The following LARGE1 variants were observed in gnomAD, a reference collection of about 807,000 sequenced individuals.
LARGE1 encodes the protein LARGE xylosyl- and glucuronyltransferase 1.
Under a neutral mutation model 87.6 loss-of-function variants are expected in LARGE1, and 43 were observed. That is an observed-to-expected ratio of 0.49 (90% confidence interval 0.38 to 0.63). LARGE1 has a LOEUF of 0.63. Among genes scored for constraint, LARGE1 ranks in the 30% least tolerant of loss-of-function variants. The probability of loss-of-function intolerance (pLI) is 0.00; values close to 1 mark genes in which losing one functional copy is unlikely to be tolerated. For synonymous variants in LARGE1, 434 were observed against 394.6 expected (o/e 1.10, Z -1.18); for missense variants, 802 against 1,000.2 (o/e 0.80, Z 2.67).
chr22:33,072,113 TC>T, the LARGE1 span, among the ~76,000 whole-genome samples: 1 of 152,086 alleles, frequency 6.6e-6, no homozygotes, highest in Non-Finnish European at 1.5e-5. Flanking sequence ...CAGAACGTAC[TC>T]CTCCCTCATG....
At chr22:33,601,658 G>A (rs2079116391) in intron 5 of LARGE1, among the ~76,000 whole-genome samples, 1 of 152,188 alleles carries the variant, frequency 6.6e-6, no homozygotes, top group African/African-American at 2.4e-5. Flanking sequence ...TCAGGAATGT[G>A]AGAGAGACAG....
rs557415988 is a variant in LARGE1 at position 33,708,412 on chromosome 22, C to T, written c.106+52959G>A. On this transcript the variant is annotated intron_variant, in intron 2 of 14. Coordinates refer to ENST00000397394, the MANE Select transcript of LARGE1 (RefSeq NM_133642.5). ...CCCAGCCAGAAGCCCTCCTGAGTGCCCCTCGCCATAACACAGACATTACAT... is the reference window on the plus strand; with the variant it reads ...CCCAGCCAGAAGCCCTCCTGAGTGCTCCTCGCCATAACACAGACATTACAT... Among the ~76,000 whole-genome samples the T allele has an allele frequency of 4.1e-4, 62 of 152,060 alleles. No individual in the cohort carries two copies. In the South Asian group the frequency reaches 0.012, roughly 30 times the overall value.
chr22:33,359,164 CATT>C (rs1329330294), intron 9 of LARGE1, among the ~76,000 whole-genome samples: 1 of 152,034 alleles, frequency 6.6e-6, no homozygotes, highest in African/African-American at 2.4e-5. Context: ...TCTATACAGT[CATT>C]ATGTTATATA....
At chr22:33,498,213 TG>T (rs1182531891) in intron 6 of LARGE1, among the ~76,000 whole-genome samples, 1 of 151,998 alleles carries the variant, frequency 6.6e-6, no homozygotes, top group Admixed American at 6.6e-5. Context: ...ATAAGAAAGC[TG>T]GGGGGTGGAA....
chr22:33,360,524 C>G (rs2064348960), intron 9 of LARGE1, among the ~76,000 whole-genome samples: 1 of 149,092 alleles, frequency 6.7e-6, no homozygotes, highest in Non-Finnish European at 1.5e-5. Context: ...AGATGCTATA[C>G]ACTTTTAAAC....
chr22:33,308,269 T>A (rs1935163932), intron 11 of LARGE1, among the ~76,000 whole-genome samples: 1 of 152,142 alleles, frequency 6.6e-6, no homozygotes, highest in Non-Finnish European at 1.5e-5. Context: ...CAGTGTCTGC[T>A]GGGATGGGGA....
downstream of LARGE1, among the ~76,000 whole-genome samples, chr22:33,267,670 G>C (rs1402786314): frequency 1.3e-5 from 2 of 151,108 alleles, no homozygotes; most frequent in Non-Finnish European, 2.9e-5. Context: ...TCTAAGTGGA[G>C]CTTTTTACCT....
chr22:33,556,418 C>A (rs1042143372), intron 6 of LARGE1, among the ~76,000 whole-genome samples: 1 of 151,564 alleles, frequency 6.6e-6, no homozygotes, highest in Admixed American at 6.6e-5. Context: ...TAATATTTTA[C>A]CCCCAGGGCC....
chr22:33,418,753 C>T (rs982331183), intron 7 of LARGE1, among the ~76,000 whole-genome samples: 2 of 152,108 alleles, frequency 1.3e-5, no homozygotes, highest in Non-Finnish European at 2.9e-5. Context: ...GCTGTGGATA[C>T]GGACAACTGG....
chr22:33,423,180 A>T (rs1230075223), intron 7 of LARGE1, among the ~76,000 whole-genome samples: 1 of 152,168 alleles, frequency 6.6e-6, no homozygotes, highest in Non-Finnish European at 1.5e-5. Context: ...GTAATGTATC[A>T]GTACCATTCA....
At chr22:33,207,523 G>A (rs1924744165) in intron 11 of LARGE1, among the ~76,000 whole-genome samples, 1 of 152,042 alleles carries the variant, frequency 6.6e-6, no homozygotes, top group Non-Finnish European at 1.5e-5. Flanking sequence ...TCCCCTGCTG[G>A]CCAGATTACT....
intron 6 of LARGE1, among the ~76,000 whole-genome samples, chr22:33,525,571 C>T (rs1485772378): frequency 6.6e-6 from 1 of 152,120 alleles, no homozygotes; most frequent in Non-Finnish European, 1.5e-5. Context: ...TATTAAATAC[C>T]ATCCTGCCTT....
At chr22:33,831,678 A>G (rs1023254336) in intron 1 of LARGE1, among the ~76,000 whole-genome samples, 3 of 152,158 alleles carry the variant, frequency 2.0e-5, no homozygotes, top group African/African-American at 7.2e-5. Context: ...GCAAACTCAG[A>G]CATAGACATA....
chr22:33,838,840 C>T (rs568674956), intron 1 of LARGE1, among the ~76,000 whole-genome samples: 3 of 152,184 alleles, frequency 2.0e-5, no homozygotes, highest in Admixed American at 6.5e-5. Flanking sequence ...TCCAATCCAT[C>T]TTACCCGTGA....
intron 7 of LARGE1, among the ~76,000 whole-genome samples, chr22:33,408,693 GTCTT>G (rs1410806944): frequency 6.9e-6 from 1 of 145,904 alleles, no homozygotes; most frequent in Non-Finnish European, 1.5e-5. Flanking sequence ...AAATAGACTT[GTCTT>G]TTTTTTTTTT....
intron 4 of LARGE1, among the ~76,000 whole-genome samples, chr22:33,624,072 T>G (rs1359185096): frequency 6.6e-6 from 1 of 152,146 alleles, no homozygotes; most frequent in Non-Finnish European, 1.5e-5. Context: ...CAAAACGAAC[T>G]GCTGACAATC....
At chr22:33,714,875 A>T (rs1050680796) in intron 2 of LARGE1, among the ~76,000 whole-genome samples, 1 of 152,164 alleles carries the variant, frequency 6.6e-6, no homozygotes. Context: ...CATAGGACAC[A>T]TTCCTCACCC....
At chr22:33,269,762 T>C (rs1400167988), downstream of LARGE1, among the ~76,000 whole-genome samples, 3 of 152,048 alleles carry the variant, frequency 2.0e-5, no homozygotes, top group African/African-American at 7.2e-5. Flanking sequence ...TCCCAGCACT[T>C]TGGGAGGCCG....
At chr22:33,690,605 G>A (rs1323510254) in intron 2 of LARGE1, among the ~76,000 whole-genome samples, 1 of 151,884 alleles carries the variant, frequency 6.6e-6, no homozygotes, top group Non-Finnish European at 1.5e-5. Flanking sequence ...AAAAGAAAGG[G>A]AGAAGGACCT....
Sources: gnomAD v4.1 joint callset for allele counts (sites outside exome capture counted in the v4.1 genomes callset) on GRCh38, gnomAD v4.1.1 for gene constraint, MANE v1.5 for transcripts, NCBI Gene and HGNC (gene_info 2026-07-23, HGNC 2026-07-21) for gene names.